CSTF3: variants seen among roughly 807,000 people sequenced by gnomAD.
The protein encoded by CSTF3 is CF-1 77 kDa subunit.
In CSTF3, 29 loss-of-function variants were observed where a neutral mutation model predicts 105.8. The ratio of observed to expected loss-of-function variants is 0.27; its 90% CI spans 0.20 to 0.37. The LOEUF is 0.37. Among genes scored for constraint, CSTF3 ranks in the 10% least tolerant of loss-of-function variants. CSTF3 has a pLI of 1.00. For synonymous variants in CSTF3, 252 were observed against 281.9 expected, an observed-to-expected ratio of 0.89 and a Z score of 1.06; for missense variants, 357 against 879.3, an observed-to-expected ratio of 0.41 and a Z score of 7.51.
chr11:33,103,241 A>G (rs1590266715), intron 8 of CSTF3, 57 bp from the exon 9 acceptor site: 7 of 734,778 alleles, frequency 9.5e-6, no homozygotes, highest in Non-Finnish European at 1.3e-5. Context: ...AATTAGTACA[A>G]TACAGTTAAT....
chr11:33,157,554 A>T (rs1295885837), intron 1 of CSTF3, among the ~76,000 whole-genome samples: 1 of 152,180 alleles, frequency 6.6e-6, no homozygotes, highest in Non-Finnish European at 1.5e-5. Context: ...ATAGCTCTCT[A>T]CATGCAAAAT....
intron 1 of CSTF3, among the ~76,000 whole-genome samples, chr11:33,150,960 T>C (rs1008906908): frequency 6.6e-6 from 1 of 152,186 alleles, no homozygotes; most frequent in Admixed American, 6.5e-5. Flanking sequence ...ATACATACAA[T>C]TCACCCATCT....
chr11:33,095,825 AATAAATAAATAAAT>A (rs1855217140), intron 15 of CSTF3, among the ~76,000 whole-genome samples: 1 of 150,750 alleles, frequency 6.6e-6, no homozygotes, highest in Non-Finnish European at 1.5e-5. Context: ...GTCTCAAATA[AATAAATAAATAAAT>A]AAATAAATAA....
chr11:33,084,827 G>T lies in CSTF3; in HGVS notation c.*260C>A. ...GGCACATACAAGACACCCTTGAAGA[G>T]GGAACAAAATGTGGTTCTGCCACTT... On this transcript the variant is annotated 3_prime_UTR_variant, in exon 21 of 21. Coordinates refer to ENST00000323959, the MANE Select transcript of CSTF3 (RefSeq NM_001326.3). 2.1e-6 allele frequency: 1 copy of T among 487,468 alleles called. No homozygotes were observed. Among genetic ancestry groups the T allele is most frequent in the Admixed American group, 3.7e-5 (1 of 27,024 alleles). 30.2% of individuals were successfully genotyped at this position (487,468 alleles called of 1,614,324 possible). A position where few individuals can be genotyped will look rare whatever the true frequency, so the allele number is the denominator to read the frequency against.
intron 3 of CSTF3, among the ~76,000 whole-genome samples, chr11:33,140,781 A>T (rs1855702331): frequency 6.6e-6 from 1 of 152,088 alleles, no homozygotes; most frequent in East Asian, 1.9e-4. Flanking sequence ...AAATAAGAGT[A>T]CTGCATAAGT....
rs1387360949 is a variant in CSTF3 at position 33,111,779 on chromosome 11, G to A, written c.226-3361C>T. On this transcript the variant is annotated intron_variant, in intron 3 of 20. Transcript: ENST00000323959. ...TTAGCCCAATAAATGTATGTAGAAA[G>A]ACACTTTTGACTAATACAGAAAAAT... Among the ~76,000 whole-genome samples the A allele has an allele frequency of 2.6e-5, 4 of 152,152 alleles. No homozygotes were observed. The East Asian group carries it at 7.7e-4, about 29-fold the overall frequency.
At chr11:33,118,235 T>C (rs1008019808) in intron 3 of CSTF3, among the ~76,000 whole-genome samples, 3 of 151,882 alleles carry the variant, frequency 2.0e-5, no homozygotes, top group Admixed American at 2.0e-4. Flanking sequence ...GCCAGGCCTA[T>C]GAGGATTTAA....
intron 3 of CSTF3, among the ~76,000 whole-genome samples, chr11:33,128,146 T>C (rs900773418): frequency 2.0e-5 from 3 of 152,134 alleles, no homozygotes; most frequent in Admixed American, 1.3e-4. Flanking sequence ...TTTCTAGGAA[T>C]CAAACTCATG....
chr11:33,106,154 A>G (rs1488234604), intron 5 of CSTF3, 90 bp from the exon 6 acceptor site: 5 of 950,020 alleles, frequency 5.3e-6, no homozygotes, highest in African/African-American at 3.3e-5. Context: ...TCATGCCTGT[A>G]ATCCCACTGC....
intron 16 of CSTF3, among the ~76,000 whole-genome samples, chr11:33,091,693 GGA>G (rs373686684): frequency 3.3e-5 from 5 of 151,802 alleles, no homozygotes; most frequent in African/African-American, 1.2e-4. Flanking sequence ...CAATTTCTAG[GGA>G]GAGAGAGAGA....
intron 3 of CSTF3, among the ~76,000 whole-genome samples, chr11:33,131,488 G>A (rs183963172): frequency 5.3e-5 from 8 of 152,208 alleles, no homozygotes; most frequent in South Asian, 4.1e-4. Flanking sequence ...AGGTCAGTTC[G>A]TATAATGGCT....
intron 3 of CSTF3, among the ~76,000 whole-genome samples, chr11:33,110,722 A>T (rs1195390851): frequency 6.6e-6 from 1 of 152,216 alleles, no homozygotes; most frequent in Non-Finnish European, 1.5e-5. Flanking sequence ...AAGACAAATT[A>T]AAATAATAGA....
At chr11:33,136,992 C>T (rs1316896956) in intron 3 of CSTF3, among the ~76,000 whole-genome samples, 1 of 151,774 alleles carries the variant, frequency 6.6e-6, no homozygotes, top group Non-Finnish European at 1.5e-5. Context: ...TTTTGTTTCA[C>T]CATTAATTTT....
At chr11:33,161,006 A>G (rs542253838) in intron 1 of CSTF3, among the ~76,000 whole-genome samples, 7 of 152,274 alleles carry the variant, frequency 4.6e-5, no homozygotes, top group African/African-American at 1.7e-4. Flanking sequence ...TACCAAAACG[A>G]TATCAAAGGA....
chr11:33,108,395 C>A lies in CSTF3; in HGVS notation c.249G>T (p.Lys83Asn). The A allele has an allele frequency of 6.7e-7, 1 of 1,487,584 alleles. No homozygotes were observed. The highest frequency in any genetic ancestry group is 9.0e-7 in the Non-Finnish European group (1 of 1,107,432). 92.1% of individuals were successfully genotyped at this position (1,487,584 alleles called of 1,614,324 possible). A position where few individuals can be genotyped will look rare whatever the true frequency, so the allele number is the denominator to read the frequency against. The change falls in exon 4 of 21, where the codon AAG becomes AAT. Residue 83 changes from lysine (K) to asparagine (N), a missense_variant. By Grantham distance (94) the Lys-to-Asn change is moderately conservative. Around this residue, in one of 4 missense-constraint regions of CSTF3, gnomAD observed 78 missense variants for 180.4 expected, o/e 0.43. Coordinates refer to ENST00000323959, the MANE Select transcript of CSTF3 (RefSeq NM_001326.3). ...EAEIKAKNYDKVEKLFQRCLM... is the reference protein window; with the variant it reads ...EAEIKAKNYDNVEKLFQRCLM... ...GTATTTGAGGACTCACCTTTTCAAC[C>A]TTGTCATAATTTTTAGCTTTAATCT... is the stretch of plus-strand genomic sequence containing the variant.
At chr11:33,128,500 CAACTT>C (rs1314541562) in intron 3 of CSTF3, among the ~76,000 whole-genome samples, 2 of 151,938 alleles carry the variant, frequency 1.3e-5, no homozygotes, top group East Asian at 3.9e-4. Context: ...AATGATATCT[CAACTT>C]AAGCTCTTCC....
intron 3 of CSTF3, among the ~76,000 whole-genome samples, chr11:33,119,862 A>G (rs1449248173): frequency 6.6e-6 from 1 of 151,774 alleles, no homozygotes; most frequent in Non-Finnish European, 1.5e-5. Context: ...CCTAATTCCA[A>G]GTTCCTTTTT....
Position 33,099,801 on chromosome 11 carries a change from A to T in CSTF3, c.827-84T>A. ...TCAATGTAAATATCATAACCAAATTAGGCTCCTCAAAAATTAATGATAATT... is the reference window on the plus strand; with the variant it reads ...TCAATGTAAATATCATAACCAAATTTGGCTCCTCAAAAATTAATGATAATT... On this transcript the variant is annotated intron_variant, in intron 10 of 20. Coordinates refer to ENST00000323959, the MANE Select transcript of CSTF3 (RefSeq NM_001326.3). The surrounding 1 kb of genome is among the most constrained non-coding windows in gnomAD (Gnocchi z 4.1). 1 of 801,622 alleles carries T rather than the reference A, an allele frequency of 1.2e-6. No individual in the cohort carries two copies. Among genetic ancestry groups the T allele is most frequent in the Non-Finnish European group, 1.9e-6 (1 of 536,890 alleles). The allele number at this position is 801,622 out of a possible 1,614,324, so 49.7% of individuals were successfully genotyped here.
At chr11:33,095,835 T>A (rs550767801) in intron 15 of CSTF3, among the ~76,000 whole-genome samples, 4,900 of 150,234 alleles carry the variant, frequency 0.033, 126 homozygotes, top group South Asian at 0.068. Flanking sequence ...AATAAATAAA[T>A]AAATAAATAA....
Sources: gnomAD v4.1 joint callset for allele counts (sites outside exome capture counted in the v4.1 genomes callset) on GRCh38, gnomAD v4.1.1 for gene constraint, gnomAD v4.1.1 regional missense constraint, Gnocchi (gnomAD v3.1) non-coding constraint, MANE v1.5 for transcripts, NCBI Gene and HGNC (gene_info 2026-07-23, HGNC 2026-07-21) for gene names.